Variants in NDC80 observed in about 807,000 individuals in gnomAD.
NDC80 encodes the protein kinetochore protein NDC80 homolog.
NDC80 carries 69 observed loss-of-function variants against 89.3 expected under a neutral mutation model. The observed-to-expected ratio is 0.77, with a 90% confidence interval of 0.64 to 0.94. The LOEUF (loss-of-function observed/expected upper bound fraction) is 0.94. Ranked by LOEUF, NDC80 falls within the 40% of genes least tolerant of loss-of-function variation. The probability of loss-of-function intolerance (pLI) is 0.00; values close to 1 mark genes in which losing one functional copy is unlikely to be tolerated. For synonymous variants in NDC80, 243 were observed against 255.6 expected, an observed-to-expected ratio of 0.95 and a Z score of 0.47; for missense variants, 593 against 739.6, an observed-to-expected ratio of 0.80 and a Z score of 2.30.
intron 6 of NDC80, among the ~76,000 whole-genome samples, chr18:2,584,095 C>T (rs1481686006): frequency 1.3e-5 from 2 of 152,052 alleles, no homozygotes; most frequent in East Asian, 3.9e-4. Flanking sequence ...CGAGACCAGC[C>T]TGGCCAACAT....
chr18:2,577,601 C>G, intron 3 of NDC80, 145 bp from the exon 4 acceptor site: 2 of 886,786 alleles, frequency 2.3e-6, no homozygotes, highest in Middle Eastern at 6.7e-4. Context: ...TGCTCCTTTT[C>G]TCTGCTTTAA....
chr18:2,577,872 ACTT>A lies in NDC80; in HGVS notation c.303+4_303+6del. On this transcript the variant is annotated splice_donor_5th_base_variant and intron_variant, in intron 4 of 16. Coordinates refer to ENST00000261597, the MANE Select transcript of NDC80 (RefSeq NM_006101.3). Reference sequence around the variant, plus strand: ...AGTGTATTCGACAACTCTGTGAGGTACTTTAGGATTTTAATCTAAACTGTGATT... The same window carrying A: ...AGTGTATTCGACAACTCTGTGAGGTATAGGATTTTAATCTAAACTGTGATT... The A allele has an allele frequency of 2.5e-6, 4 of 1,613,310 alleles. No homozygotes were observed. The highest frequency in any genetic ancestry group is 3.4e-6 in the Non-Finnish European group (4 of 1,179,670).
At position 2,577,954 on chromosome 18, in the gene NDC80, T is replaced by TA. The variant is rs1474450351; in HGVS notation, c.304-10dup. 3.7e-6 allele frequency: 6 copies of TA among 1,609,928 alleles called. No homozygotes were observed. Among genetic ancestry groups the TA allele is most frequent in the Non-Finnish European group, 5.1e-6 (6 of 1,177,658 alleles). ...CCATTACAAAACGTTTGGTGGTTCATAAAAATTATTGTAGTTTCTTACAGA... is the reference window on the plus strand; with the variant it reads ...CCATTACAAAACGTTTGGTGGTTCATAAAAAATTATTGTAGTTTCTTACAGA... On this transcript the variant is annotated splice_polypyrimidine_tract_variant and intron_variant, in intron 4 of 16. Transcript: ENST00000261597.
At chr18:2,608,575 A>G in intron 14 of NDC80, 125 bp from the exon 15 acceptor site, 1 of 1,010,856 alleles carries the variant, frequency 9.9e-7, no homozygotes, top group South Asian at 2.1e-5. Context: ...AACAGTAAGC[A>G]TCTTGAGAAT....
intron 14 of NDC80, 74 bp from the exon 15 acceptor site, chr18:2,608,626 A>T: frequency 7.1e-7 from 1 of 1,416,298 alleles, no homozygotes; most frequent in Non-Finnish European, 9.5e-7. Flanking sequence ...GCTTTTTATA[A>T]TTGTTTTAAA....
Position 2,608,715 on chromosome 18 carries a change from G to A in NDC80, c.1573G>A (p.Asp525Asn). Residue 525 changes from aspartate to asparagine, a missense_variant, in exon 15 of 17, where the codon GAT becomes AAT. By Grantham distance (23) the Asp-to-Asn change is conservative. Coordinates refer to ENST00000261597, the MANE Select transcript of NDC80 (RefSeq NM_006101.3). ...ATCCTGATAGGAAGCAGAGGAAGAG[G>A]ATGAAAAATGTGCCAGTGAGCTTGA... ...QQKIKEAEEE[D>N]EKCASELESL... 1 of 1,612,188 alleles carries A rather than the reference G, an allele frequency of 6.2e-7. No homozygotes were observed. Among genetic ancestry groups the A allele is most frequent in the Non-Finnish European group, 8.5e-7 (1 of 1,178,612 alleles).
intron 15 of NDC80, among the ~76,000 whole-genome samples, chr18:2,610,234 C>T (rs1314241551): frequency 6.6e-6 from 1 of 152,122 alleles, no homozygotes; most frequent in South Asian, 2.1e-4. Context: ...GTAAAATATA[C>T]ATTTTTTAAG....
intron 10 of NDC80, among the ~76,000 whole-genome samples, chr18:2,592,919 G>A (rs936614053): frequency 1.3e-5 from 2 of 151,792 alleles, no homozygotes; most frequent in African/African-American, 2.4e-5. Flanking sequence ...GTCACAGAAG[G>A]TTGGAAAACA....
chr18:2,601,373 C>G, intron 12 of NDC80, 23 bp from the exon 13 acceptor site: 1 of 1,188,232 alleles, frequency 8.4e-7, no homozygotes, highest in African/African-American at 1.6e-5. Context: ...TATATGTCAC[C>G]CACATTCCTA....
chr18:2,605,205 G>A (rs1168199236), intron 13 of NDC80, among the ~76,000 whole-genome samples: 1 of 151,672 alleles, frequency 6.6e-6, no homozygotes, highest in Non-Finnish European at 1.5e-5. Flanking sequence ...GATATGCTGA[G>A]TTTCAGGTCT....
chr18:2,603,874 G>T (rs945558152), intron 13 of NDC80, among the ~76,000 whole-genome samples: 1 of 152,136 alleles, frequency 6.6e-6, no homozygotes, highest in Admixed American at 6.5e-5. Flanking sequence ...AAATACTGAA[G>T]ACTGGATGAT....
intron 15 of NDC80, among the ~76,000 whole-genome samples, chr18:2,609,979 G>T (rs1206223599): frequency 6.6e-6 from 1 of 152,160 alleles, no homozygotes; most frequent in Non-Finnish European, 1.5e-5. Context: ...ATATTTTGTT[G>T]TATTTCTTAG....
intron 10 of NDC80, among the ~76,000 whole-genome samples, chr18:2,593,013 G>GGTGT (rs56851912): frequency 0.19 from 20,413 of 108,332 alleles, 2,311 homozygotes; most frequent in East Asian, 0.28. Flanking sequence ...AATAAACTCT[G>GGTGT]GTGTGTGTGT....
intron 13 of NDC80, among the ~76,000 whole-genome samples, chr18:2,602,556 T>TA (rs1224451703): frequency 2.0e-5 from 3 of 152,186 alleles, no homozygotes; most frequent in Non-Finnish European, 4.4e-5. Flanking sequence ...TTTTTTGCTG[T>TA]AATGGGTACT....
chr18:2,586,841 T>C (rs902526206), intron 7 of NDC80, among the ~76,000 whole-genome samples: 1 of 152,218 alleles, frequency 6.6e-6, no homozygotes, highest in African/African-American at 2.4e-5. Context: ...GAGAAGCACA[T>C]GGGAAACTAT....
chr18:2,578,384 G>A (rs2072558949), intron 5 of NDC80, among the ~76,000 whole-genome samples: 1 of 152,074 alleles, frequency 6.6e-6, no homozygotes, highest in Admixed American at 6.6e-5. Context: ...GTTTGATGAT[G>A]GGTACAGACG....
intron 6 of NDC80, 36 bp from the exon 7 acceptor site, chr18:2,585,077 A>C: frequency 1.3e-6 from 2 of 1,531,694 alleles, no homozygotes; most frequent in East Asian, 2.3e-5. Context: ...TGTGTTTTTC[A>C]GATCAACTTG....
chr18:2,603,243 T>G (rs892462040), intron 13 of NDC80, among the ~76,000 whole-genome samples: 2 of 151,470 alleles, frequency 1.3e-5, no homozygotes, highest in African/African-American at 4.9e-5. Flanking sequence ...GAGGATTGAA[T>G]CCTAAAGAGT....
chr18:2,599,098 G>C lies in NDC80; in HGVS notation c.1301G>C (p.Gly434Ala). The change falls in exon 12 of 17, where the codon GGT becomes GCT. Residue 434 changes from glycine to alanine, a missense_variant. Physicochemically the swap from Gly to Ala is moderately conservative, Grantham distance 60 (BLOSUM62 0). Coordinates refer to ENST00000261597, the MANE Select transcript of NDC80 (RefSeq NM_006101.3). ...CCTAAAGGTGCTGAGAATTCCAAAG[G>C]TTATGACTTTGAAATTAAGTTTAAT... ...LIPKGAENSK[G>A]YDFEIKFNPE... is the part of the protein sequence containing the mutation. The C allele has an allele frequency of 6.2e-7, 1 of 1,612,932 alleles. No individual in the cohort carries two copies. The highest frequency in any genetic ancestry group is 8.5e-7 in the Non-Finnish European group (1 of 1,179,344).
Sources: allele counts gnomAD v4.1 joint callset (sites outside exome capture counted in the v4.1 genomes callset), GRCh38; gene constraint gnomAD v4.1.1; transcripts MANE v1.5; gene names NCBI Gene and HGNC (gene_info 2026-07-23, HGNC 2026-07-21).